Variants in KANSL1 observed in about 807,000 individuals in gnomAD.
KANSL1 encodes the protein KAT8 regulatory NSL complex subunit 1, also known as MLL1/MLL complex subunit KANSL1.
KANSL1 carries 22 observed loss-of-function variants against 103.6 expected under a neutral mutation model. That is an observed-to-expected ratio of 0.21 (90% confidence interval 0.15 to 0.30). The LOEUF (loss-of-function observed/expected upper bound fraction) is 0.30, where lower values mean the gene tolerates loss of function less well. Among genes scored for constraint, KANSL1 ranks in the 10% least tolerant of loss-of-function variants. KANSL1 has a pLI of 1.00. For missense variants in KANSL1, 1,337 were observed against 1,399.8 expected (o/e 0.96, Z 0.72); for synonymous variants, 600 against 527.6 (o/e 1.14, Z -1.88).
intron 4 of KANSL1, among the ~76,000 whole-genome samples, chr17:46,074,302 A>G (rs2146734859): frequency 6.6e-6 from 1 of 152,320 alleles, no homozygotes; most frequent in Admixed American, 6.5e-5. Flanking sequence ...ATAGGTTATA[A>G]TCCATTAAAT....
At chr17:46,204,529 C>T (rs2047902963) in intron 1 of KANSL1, among the ~76,000 whole-genome samples, 1 of 152,208 alleles carries the variant, frequency 6.6e-6, no homozygotes, top group African/African-American at 2.4e-5. Flanking sequence ...TTAGAATTTA[C>T]AATTGCTAAA....
At chr17:46,200,038 TACACACAC>T (rs143234563) in intron 1 of KANSL1, among the ~76,000 whole-genome samples, 178 of 147,478 alleles carry the variant, frequency 1.2e-3, no homozygotes, top group Middle Eastern at 6.9e-3. Flanking sequence ...TCAATGAGTT[TACACACAC>T]ACACACACAC....
chr17:46,160,775 T>A (rs1221482536), intron 2 of KANSL1, among the ~76,000 whole-genome samples: 1 of 152,222 alleles, frequency 6.6e-6, no homozygotes, highest in African/African-American at 2.4e-5. Context: ...TTATTTTACA[T>A]GATGGTTGGT....
Position 46,126,803 on chromosome 17 carries a change from C to T in KANSL1, c.1290-32102G>A, listed in dbSNP as rs146709627. Among the ~76,000 whole-genome samples, 37 of 152,180 alleles carry T rather than the reference C, an allele frequency of 2.4e-4. No individual in the cohort carries two copies. In the East Asian group the frequency reaches 4.4e-3, roughly 18 times the overall value. ...CCTAAAAACAAATACATAAACAGCC[C>T]GCAAGTTTAGCTCCTAAAGTAGGAA... is the stretch of plus-strand genomic sequence containing the variant. On this transcript the variant is annotated intron_variant, in intron 2 of 14. Transcript: ENST00000432791.
intron 2 of KANSL1, among the ~76,000 whole-genome samples, chr17:46,108,060 GAT>G (rs1491201780): frequency 6.8e-6 from 1 of 146,626 alleles, no homozygotes; most frequent in Non-Finnish European, 1.6e-5. Context: ...CCACTTTCAG[GAT>G]ATTATCATGA....
chr17:46,218,086 C>G (rs2048397369), intron 1 of KANSL1, among the ~76,000 whole-genome samples: 1 of 152,178 alleles, frequency 6.6e-6, no homozygotes. Context: ...TATGCTGCCA[C>G]CAGAAGCTAG....
At chr17:46,160,077 C>A (rs1006126106) in intron 2 of KANSL1, among the ~76,000 whole-genome samples, 14 of 152,270 alleles carry the variant, frequency 9.2e-5, no homozygotes, top group Admixed American at 4.6e-4. Flanking sequence ...ACATGTATGA[C>A]CACAAGCAAA....
At chr17:46,170,778 C>T (rs1267471443) in intron 2 of KANSL1, 77 bp downstream of exon 2, 1 of 1,425,538 alleles carries the variant, frequency 7.0e-7, no homozygotes, top group African/African-American at 1.5e-5. Flanking sequence ...ATCACATTCT[C>T]TCCATAATGG....
intron 2 of KANSL1, chr17:46,169,661 A>C (rs1389882799): frequency 1.3e-5 from 2 of 152,172 alleles, no homozygotes; most frequent in African/African-American, 4.8e-5. Context: ...CTCTTTTCCA[A>C]CTCCTCATGC....
chr17:46,077,884 C>T (rs2078842911), intron 4 of KANSL1, among the ~76,000 whole-genome samples: 1 of 152,092 alleles, frequency 6.6e-6, no homozygotes, highest in Non-Finnish European at 1.5e-5. Context: ...TGTAAACTGA[C>T]TGTTTAAATT....
At chr17:46,128,939 G>A (rs2043709948) in intron 2 of KANSL1, among the ~76,000 whole-genome samples, 2 of 152,210 alleles carry the variant, frequency 1.3e-5, no homozygotes, top group South Asian at 4.1e-4. Flanking sequence ...GAGGCCAACT[G>A]GGAGGCTGCG....
Position 46,032,134 on chromosome 17 carries a change from G to A in KANSL1, c.3003C>T (p.Pro1001=), listed in dbSNP as rs762905143. Residue 1001 remains proline, a synonymous_variant, in exon 14 of 15, where the codon CCC becomes CCT. Coordinates refer to ENST00000432791, the MANE Select transcript of KANSL1 (RefSeq NM_015443.4). ...SPISPELHSA[P]LTPVARDTPR... is the part of the protein sequence containing the mutation. Reference sequence around the variant, plus strand: ...GAGTGTCCCGAGCCACAGGGGTGAGGGGTGCTGAGTGCAGTTCCGGGCTAA... The same window carrying A: ...GAGTGTCCCGAGCCACAGGGGTGAGAGGTGCTGAGTGCAGTTCCGGGCTAA... 5 of 1,614,094 alleles carry A rather than the reference G, an allele frequency of 3.1e-6. No homozygotes were observed. The highest frequency in any genetic ancestry group is 2.5e-6 in the Non-Finnish European group (3 of 1,179,998).
intron 6 of KANSL1, among the ~76,000 whole-genome samples, chr17:46,059,665 G>A (rs954096581): frequency 7.0e-6 from 1 of 143,284 alleles, no homozygotes; most frequent in African/African-American, 2.6e-5. Flanking sequence ...GAGAGAGAGA[G>A]AAAAGGAAAC....
rs2077672870 is a variant in KANSL1 at position 46,050,439 on chromosome 17, ATCTGAGTTGTAACTGCACCTT to A, written c.2020+73_2020+93del. 4 of 1,271,888 alleles carry A rather than the reference ATCTGAGTTGTAACTGCACCTT, an allele frequency of 3.1e-6. No individual in the cohort carries two copies. The South Asian group carries it at 4.4e-5, about 14-fold the overall frequency. The allele number at this position is 1,271,888 out of a possible 1,614,324, so 78.8% of individuals were successfully genotyped here. ...TTGACGAAAGTTGTACCTTGAAAGT[ATCTGAGTTGTAACTGCACCTT>A]GGCTGATTTTCTTTCACCTAGAAGT... On this transcript the variant is annotated intron_variant, in intron 7 of 14. Transcript: ENST00000432791.
intron 2 of KANSL1, among the ~76,000 whole-genome samples, chr17:46,120,834 T>C (rs551106195): frequency 6.6e-6 from 1 of 152,340 alleles, no homozygotes; most frequent in East Asian, 1.9e-4. Context: ...CACGAAATTT[T>C]ACAATATGCA....
chr17:46,151,058 A>T (rs1473166983), intron 2 of KANSL1, among the ~76,000 whole-genome samples: 1 of 152,252 alleles, frequency 6.6e-6, no homozygotes, highest in Non-Finnish European at 1.5e-5. Flanking sequence ...GTAATACAAC[A>T]TACTGAGTGC....
chr17:46,053,324 G>C (rs1383970083), intron 6 of KANSL1, among the ~76,000 whole-genome samples: 1 of 151,936 alleles, frequency 6.6e-6, no homozygotes, highest in African/African-American at 2.4e-5. Flanking sequence ...ATAAAGGGTA[G>C]AAATTCTACT....
At chr17:46,165,030 C>G (rs1324848930) in intron 2 of KANSL1, among the ~76,000 whole-genome samples, 1 of 152,148 alleles carries the variant, frequency 6.6e-6, no homozygotes, top group African/African-American at 2.4e-5. Flanking sequence ...TCACTTGAAC[C>G]TGGGAAGCAG....
intron 2 of KANSL1, among the ~76,000 whole-genome samples, chr17:46,116,312 C>T (rs1333371463): frequency 6.6e-6 from 1 of 152,218 alleles, no homozygotes; most frequent in South Asian, 2.1e-4. Context: ...AGGCGGATCA[C>T]GAGGTCAGAG....
Sources: allele counts gnomAD v4.1 joint callset (sites outside exome capture counted in the v4.1 genomes callset), GRCh38; gene constraint gnomAD v4.1.1; transcripts MANE v1.5; gene names NCBI Gene and HGNC (gene_info 2026-07-23, HGNC 2026-07-21).